The following SLCO1A2 variants were observed in gnomAD, a reference collection of about 807,000 sequenced individuals.
The protein encoded by SLCO1A2 is solute carrier organic anion transporter family member 1A2.
A neutral mutation model predicts 69.0 loss-of-function variants in SLCO1A2; 67 were observed. That is an observed-to-expected ratio of 0.97 (90% CI 0.80 to 1.19). The LOEUF (loss-of-function observed/expected upper bound fraction) is 1.19, where lower values mean the gene tolerates loss of function less well. SLCO1A2 is among the 50% of genes most tolerant of loss of function. The probability of loss-of-function intolerance (pLI) is 0.00; values close to 1 mark genes in which losing one functional copy is unlikely to be tolerated. For missense variants in SLCO1A2, 787 were observed against 793.7 expected, an observed-to-expected ratio of 0.99 and a Z score of 0.10; for synonymous variants, 260 against 265.9, an observed-to-expected ratio of 0.98 and a Z score of 0.22.
chr12:21,302,174 C>T (rs1354083856), intron 6 of SLCO1A2, among the ~76,000 whole-genome samples: 1 of 152,108 alleles, frequency 6.6e-6, no homozygotes, highest in Non-Finnish European at 1.5e-5. Context: ...TTTCACTATA[C>T]TCTCTGCCTC....
chr12:21,414,746 T>C (rs542374641), intron 1 of SLCO1A2, among the ~76,000 whole-genome samples: 51 of 152,324 alleles, frequency 3.3e-4, no homozygotes, highest in African/African-American at 1.2e-3. Context: ...TTTACATATT[T>C]AACTTACCAA....
chr12:21,329,632 A>G (rs1174145334), intron 2 of SLCO1A2, among the ~76,000 whole-genome samples: 1 of 151,624 alleles, frequency 6.6e-6, no homozygotes, highest in Non-Finnish European at 1.5e-5. Context: ...GCATCTCCCT[A>G]CCATAGGTAA....
chr12:21,396,272 G>C (rs1452018372), upstream of SLCO1A2, among the ~76,000 whole-genome samples: 38 of 151,386 alleles, frequency 2.5e-4, no homozygotes, highest in Middle Eastern at 6.8e-3. Context: ...AACGGTATCA[G>C]CGATGGAAGA....
chr12:21,394,758 T>G (rs896599807), intron 1 of SLCO1A2: 1 of 152,082 alleles, frequency 6.6e-6, no homozygotes, highest in African/African-American at 2.4e-5. Flanking sequence ...GAGAGGCTTG[T>G]ATAACAGTTT....
upstream of SLCO1A2, among the ~76,000 whole-genome samples, chr12:21,335,921 G>C (rs530706695): frequency 6.6e-6 from 1 of 152,264 alleles, no homozygotes; most frequent in South Asian, 2.1e-4. Flanking sequence ...AGCGAGAGAA[G>C]TATGTTTCTG....
intron 1 of SLCO1A2, among the ~76,000 whole-genome samples, chr12:21,413,096 TTA>T (rs1164125361): frequency 6.6e-6 from 1 of 152,046 alleles, no homozygotes; most frequent in African/African-American, 2.4e-5. Context: ...TATTTTTGTA[TTA>T]TTTTTTTTGA....
At chr12:21,378,483 T>G in intron 1 of SLCO1A2, 1 of 1,402,164 alleles carries the variant, frequency 7.1e-7, no homozygotes, top group Non-Finnish European at 1.0e-6. Context: ...CTGTATAATT[T>G]AACAGTGCCC....
At chr12:21,376,310 T>C (rs1025885191) in intron 1 of SLCO1A2, 41 of 353,956 alleles carry the variant, frequency 1.2e-4, no homozygotes, top group African/African-American at 8.6e-4. Flanking sequence ...TTTCCTTTAT[T>C]ACTTTTTTTG....
At chr12:21,289,184 CTGTGTG>C (rs10636619) in intron 12 of SLCO1A2, among the ~76,000 whole-genome samples, 2,204 of 136,962 alleles carry the variant, frequency 0.016, 53 homozygotes, top group African/African-American at 0.056. Context: ...TGGTACCATT[CTGTGTG>C]TGTGTGTGTG....
At chr12:21,308,969 G>A (rs1013949087) in intron 4 of SLCO1A2, among the ~76,000 whole-genome samples, 4 of 152,168 alleles carry the variant, frequency 2.6e-5, no homozygotes, top group Non-Finnish European at 5.9e-5. Context: ...ACTTGGAGGA[G>A]CCAGAGACCA....
chr12:21,360,523 G>C (rs1938756050), intron 2 of SLCO1A2, among the ~76,000 whole-genome samples: 1 of 152,210 alleles, frequency 6.6e-6, no homozygotes. Context: ...TTCCAACTGA[G>C]GTACCAGGTT....
chr12:21,413,997 C>G (rs1206923358), intron 1 of SLCO1A2, among the ~76,000 whole-genome samples: 1 of 152,160 alleles, frequency 6.6e-6, no homozygotes, highest in African/African-American at 2.4e-5. Context: ...CTCTGACCTT[C>G]TAGTTGAAAC....
intron 2 of SLCO1A2, among the ~76,000 whole-genome samples, chr12:21,356,630 A>T (rs1250870341): frequency 2.0e-5 from 3 of 152,158 alleles, no homozygotes; most frequent in Non-Finnish European, 4.4e-5. Context: ...AAAGGGAACA[A>T]TTCACAGTAA....
At chr12:21,355,009 T>G (rs1268914578) in intron 2 of SLCO1A2, 14 of 152,070 alleles carry the variant, frequency 9.2e-5, no homozygotes. Context: ...CATCTACATT[T>G]CCAGGTAACT....
At chr12:21,283,007 A>G (rs1945090824) in intron 12 of SLCO1A2, among the ~76,000 whole-genome samples, 1 of 152,210 alleles carries the variant, frequency 6.6e-6, no homozygotes, top group African/African-American at 2.4e-5. Flanking sequence ...GGAATCTGCA[A>G]TCTACAGATT....
chr12:21,323,330 G>A (rs921135207), intron 2 of SLCO1A2, among the ~76,000 whole-genome samples: 1 of 152,156 alleles, frequency 6.6e-6, no homozygotes, highest in African/African-American at 2.4e-5. Context: ...GCCAAGGTGT[G>A]TTCATGGCTT....
At chr12:21,341,679 G>A (rs760481871) in intron 2 of SLCO1A2, among the ~76,000 whole-genome samples, 14 of 152,038 alleles carry the variant, frequency 9.2e-5, no homozygotes, top group Non-Finnish European at 2.1e-4. Context: ...GAGCTAGGAC[G>A]CATCCAGCGT....
intron 1 of SLCO1A2, among the ~76,000 whole-genome samples, chr12:21,414,187 G>C (rs563456927): frequency 6.6e-6 from 1 of 151,626 alleles, no homozygotes; most frequent in Non-Finnish European, 1.5e-5. Context: ...TCTGCTTTTC[G>C]TTATTGGGCC....
At chr12:21,372,219 A>G (rs767525544) in intron 2 of SLCO1A2, among the ~76,000 whole-genome samples, 1 of 152,236 alleles carries the variant, frequency 6.6e-6, no homozygotes, top group Non-Finnish European at 1.5e-5. Context: ...GGAAAAGGTC[A>G]TCCAAAAACT....
Sources: gnomAD v4.1 joint callset for allele counts (sites outside exome capture counted in the v4.1 genomes callset) on GRCh38, gnomAD v4.1.1 for gene constraint, MANE v1.5 for transcripts, NCBI Gene and HGNC (gene_info 2026-07-23, HGNC 2026-07-21) for gene names.